CWC27: variants seen among roughly 807,000 people sequenced by gnomAD.
The protein encoded by CWC27 is CWC27 spliceosome associated cyclophilin, also known as spliceosome-associated protein CWC27 homolog.
A neutral mutation model predicts 63.6 loss-of-function variants in CWC27; 47 were observed. The ratio of observed to expected loss-of-function variants is 0.74; its 90% CI spans 0.58 to 0.94. The LOEUF is 0.94. Among genes scored for constraint, CWC27 ranks in the 40% least tolerant of loss-of-function variants. The probability of loss-of-function intolerance (pLI) is 0.00; values close to 1 mark genes in which losing one functional copy is unlikely to be tolerated. For synonymous variants in CWC27, 175 were observed against 179.8 expected, an observed-to-expected ratio of 0.97 and a Z score of 0.22; for missense variants, 495 against 554.3, an observed-to-expected ratio of 0.89 and a Z score of 1.07.
intron 10 of CWC27, among the ~76,000 whole-genome samples, chr5:64,829,753 C>T (rs1264696780): frequency 6.7e-6 from 1 of 150,210 alleles, no homozygotes; most frequent in African/African-American, 2.5e-5. Flanking sequence ...ATCAACCCGT[C>T]ACCTACATTA....
At chr5:64,934,345 A>G (rs1748301785) in intron 11 of CWC27, among the ~76,000 whole-genome samples, 1 of 152,178 alleles carries the variant, frequency 6.6e-6, no homozygotes, top group Non-Finnish European at 1.5e-5. Context: ...GAGTGAGAAC[A>G]TGTGGTGTTT....
chr5:64,857,470 G>A (rs1746282686), intron 10 of CWC27, among the ~76,000 whole-genome samples: 1 of 152,142 alleles, frequency 6.6e-6, no homozygotes, highest in Non-Finnish European at 1.5e-5. Flanking sequence ...AGGGCATATC[G>A]AGTAGGCACC....
At chr5:64,909,828 C>G (rs892541699) in intron 11 of CWC27, among the ~76,000 whole-genome samples, 1 of 152,100 alleles carries the variant, frequency 6.6e-6, no homozygotes, top group Non-Finnish European at 1.5e-5. Flanking sequence ...GCCATTCATC[C>G]AATCTTTTTT....
chr5:64,867,213 G>A (rs1327318829), intron 10 of CWC27, among the ~76,000 whole-genome samples: 1 of 151,988 alleles, frequency 6.6e-6, no homozygotes, highest in African/African-American at 2.4e-5. Context: ...CAGCTAGTGC[G>A]GTGTTGAGCC....
At chr5:64,817,589 G>C (rs1469701489) in intron 10 of CWC27, among the ~76,000 whole-genome samples, 1 of 151,880 alleles carries the variant, frequency 6.6e-6, no homozygotes, top group Non-Finnish European at 1.5e-5. Flanking sequence ...CTGAATCTTG[G>C]CCTTTATGTG....
At chr5:64,784,002 C>A (rs1378276456) in intron 4 of CWC27, 23 bp downstream of exon 4, 3 of 1,536,350 alleles carry the variant, frequency 2.0e-6, no homozygotes, top group Non-Finnish European at 2.6e-6. Flanking sequence ...TGATTTTAAA[C>A]CTGTGGTTCA....
intron 10 of CWC27, among the ~76,000 whole-genome samples, chr5:64,867,320 T>G (rs1048995875): frequency 6.6e-6 from 1 of 152,102 alleles, no homozygotes; most frequent in Non-Finnish European, 1.5e-5. Flanking sequence ...TTGGTATTAT[T>G]ATATTATTGT....
chr5:64,920,657 T>G (rs982122091), intron 11 of CWC27, among the ~76,000 whole-genome samples: 2 of 152,202 alleles, frequency 1.3e-5, no homozygotes, highest in African/African-American at 4.8e-5. Flanking sequence ...ATTCAAGCTT[T>G]TAGTTTTTTC....
intron 10 of CWC27, among the ~76,000 whole-genome samples, chr5:64,847,560 A>AT (rs1197754304): frequency 1.3e-5 from 2 of 152,166 alleles, no homozygotes; most frequent in Non-Finnish European, 2.9e-5. Flanking sequence ...ATATTAAAAC[A>AT]TTCCGTTCAA....
Position 64,769,006 on chromosome 5 carries a change from C to T in CWC27, c.-141C>T, listed in dbSNP as rs575419615. 3 of 703,588 alleles carry T rather than the reference C, an allele frequency of 4.3e-6. No homozygotes were observed. In the South Asian group the frequency reaches 5.0e-5, roughly 12 times the overall value. 43.6% of individuals were successfully genotyped at this position (703,588 alleles called of 1,614,324 possible). On this transcript the variant is annotated 5_prime_UTR_variant, in exon 1 of 14. Transcript: ENST00000381070. ...TGGGCAGGGGTAGTGTTTGGTGTCC[C>T]TGTCTTGCGTGATATTGACAAACTG... is the stretch of plus-strand genomic sequence containing the variant.
chr5:64,791,456 T>G (rs1561408420), intron 7 of CWC27, among the ~76,000 whole-genome samples: 1 of 36,166 alleles, frequency 2.8e-5, no homozygotes. Context: ...AGTGCTGTCT[T>G]TTTTTTTTTC....
intron 11 of CWC27, among the ~76,000 whole-genome samples, chr5:64,928,155 C>G (rs1429693187): frequency 2.4e-5 from 3 of 126,596 alleles, no homozygotes; most frequent in East Asian, 4.5e-4. Flanking sequence ...AACTCCTTCT[C>G]AAAAAAAAAA....
At chr5:64,783,390 T>A (rs1743765476) in intron 3 of CWC27, among the ~76,000 whole-genome samples, 1 of 152,190 alleles carries the variant, frequency 6.6e-6, no homozygotes, top group South Asian at 2.1e-4. Context: ...TCATAGTAGA[T>A]TATTTGAATT....
At chr5:64,943,146 C>G (rs1457947122) in intron 11 of CWC27, among the ~76,000 whole-genome samples, 1 of 151,644 alleles carries the variant, frequency 6.6e-6, no homozygotes, top group Admixed American at 6.6e-5. Context: ...GATTATACTC[C>G]TAGGTGAAAA....
At chr5:65,001,005 C>T (rs1749723013) in intron 13 of CWC27, among the ~76,000 whole-genome samples, 1 of 151,942 alleles carries the variant, frequency 6.6e-6, no homozygotes, top group South Asian at 2.1e-4. Context: ...TTTCTTTCAT[C>T]AGTGTTTTGT....
At chr5:64,968,601 A>G (rs1429615743) in intron 11 of CWC27, among the ~76,000 whole-genome samples, 1 of 152,214 alleles carries the variant, frequency 6.6e-6, no homozygotes, top group South Asian at 2.1e-4. Flanking sequence ...AAAAAACTAC[A>G]TACTGTATGA....
At chr5:65,015,436 G>A (rs1750033806) in intron 13 of CWC27, among the ~76,000 whole-genome samples, 1 of 152,126 alleles carries the variant, frequency 6.6e-6, no homozygotes, top group Non-Finnish European at 1.5e-5. Context: ...GTTTTAAAGG[G>A]CGTATGATTC....
chr5:64,779,201 T>C (rs1743568351), intron 2 of CWC27, among the ~76,000 whole-genome samples: 1 of 152,178 alleles, frequency 6.6e-6, no homozygotes, highest in Non-Finnish European at 1.5e-5. Context: ...TATCCTCCTG[T>C]ATGTCAAGAA....
chr5:64,888,326 A>G (rs1747125925), intron 11 of CWC27, among the ~76,000 whole-genome samples: 1 of 147,510 alleles, frequency 6.8e-6, no homozygotes, highest in African/African-American at 2.5e-5. Flanking sequence ...AGTTAATATA[A>G]TTAACTATAT....
Sources: gnomAD v4.1 joint callset for allele counts (sites outside exome capture counted in the v4.1 genomes callset) on GRCh38, gnomAD v4.1.1 for gene constraint, MANE v1.5 for transcripts, NCBI Gene and HGNC (gene_info 2026-07-23, HGNC 2026-07-21) for gene names.